SOX5: variants seen among roughly 807,000 people sequenced by gnomAD.
SOX5 encodes transcription factor SOX-5.
Under a neutral mutation model 92.0 loss-of-function variants are expected in SOX5, and 9 were observed. The ratio of observed to expected loss-of-function variants is 0.10; its 90% CI spans 0.06 to 0.17. SOX5 has a LOEUF of 0.17. Among genes scored for constraint, SOX5 ranks in the 10% least tolerant of loss-of-function variants. The probability of loss-of-function intolerance (pLI) is 1.00; values close to 1 mark genes in which losing one functional copy is unlikely to be tolerated. For synonymous variants in SOX5, 344 were observed against 336.3 expected, an observed-to-expected ratio of 1.02 and a Z score of -0.25; for missense variants, 642 against 944.5, an observed-to-expected ratio of 0.68 and a Z score of 4.20.
chr12:23,722,763 C>T (rs544177644), intron 6 of SOX5, among the ~76,000 whole-genome samples: 9 of 152,264 alleles, frequency 5.9e-5, no homozygotes, highest in East Asian at 1.9e-4. Flanking sequence ...AGCATCTAAA[C>T]GGCTCTGGTC....
intron 11 of SOX5, among the ~76,000 whole-genome samples, chr12:23,553,814 T>C (rs569989963): frequency 6.6e-6 from 1 of 152,252 alleles, no homozygotes; most frequent in Admixed American, 6.5e-5. Context: ...AATTATTCTA[T>C]AAACAATGGG....
intron 4 of SOX5, among the ~76,000 whole-genome samples, chr12:24,014,700 A>C (rs1329251144): frequency 6.6e-6 from 1 of 152,208 alleles, no homozygotes; most frequent in Non-Finnish European, 1.5e-5. Flanking sequence ...TGGAAAAAAG[A>C]GTAGAAAAGT....
chr12:23,676,882 A>G (rs540114725), intron 6 of SOX5, among the ~76,000 whole-genome samples: 1 of 152,316 alleles, frequency 6.6e-6, no homozygotes, highest in South Asian at 2.1e-4. Flanking sequence ...GTCTGTCTCC[A>G]TGGCTAAGCT....
chr12:23,532,484 T>C lies in SOX5; in HGVS notation c.*1735A>G, dbSNP rs983866681. 2 of 152,238 alleles carry C rather than the reference T, an allele frequency of 1.3e-5. No individual in the cohort carries two copies. The highest frequency in any genetic ancestry group is 2.9e-5 in the Non-Finnish European group (2 of 68,052). The allele number at this position is 152,238 out of a possible 1,614,324, so 9.4% of individuals were successfully genotyped here. A position where few individuals can be genotyped will look rare whatever the true frequency, so the allele number is the denominator to read the frequency against. On this transcript the variant is annotated 3_prime_UTR_variant, in exon 15 of 15. Coordinates refer to ENST00000451604, the MANE Select transcript of SOX5 (RefSeq NM_006940.6). ...TTGACTTGAAATGATTTTGCATTTA[T>C]TTGTACAGGCCCTACAACTGCCTTG... is the stretch of plus-strand genomic sequence containing the variant.
chr12:24,417,746 T>A (rs946250785), intron 1 of SOX5, among the ~76,000 whole-genome samples: 2 of 152,284 alleles, frequency 1.3e-5, no homozygotes, highest in African/African-American at 4.8e-5. Context: ...GAGAAAAGGA[T>A]AGACAATACT....
chr12:24,304,828 T>C (rs1948391370), intron 2 of SOX5, among the ~76,000 whole-genome samples: 1 of 152,174 alleles, frequency 6.6e-6, no homozygotes, highest in South Asian at 2.1e-4. Context: ...CTGGACAGTC[T>C]AGACCCTCCC....
intron 3 of SOX5, among the ~76,000 whole-genome samples, chr12:24,265,360 G>A (rs1211219787): frequency 1.3e-5 from 2 of 152,062 alleles, no homozygotes; most frequent in East Asian, 1.9e-4. Context: ...TAGGCAACAT[G>A]GCAACACTCC....
chr12:24,372,001 G>A lies in SOX5; in HGVS notation c.-250-3362C>T, dbSNP rs1467681083. Among the ~76,000 whole-genome samples the A allele has an allele frequency of 3.4e-5, 5 of 145,318 alleles. No homozygotes were observed. In the South Asian group the frequency reaches 6.3e-4, roughly 18 times the overall value. The stretch of plus-strand genomic sequence containing the variant: ...AGACTCTGCCTTTAAAAAAAAAAAA[G>A]AGAGAGAGAGAGAGATCATTTGGAA... On this transcript the variant is annotated intron_variant, in intron 1 of 4. Transcript: ENST00000446891.
At chr12:23,577,847 T>G (rs1320667629) in intron 9 of SOX5, among the ~76,000 whole-genome samples, 3 of 151,186 alleles carry the variant, frequency 2.0e-5, no homozygotes, top group Non-Finnish European at 4.4e-5. Context: ...AATGGCTGGG[T>G]GCAGTGGCTC....
intron 3 of SOX5, among the ~76,000 whole-genome samples, chr12:23,845,074 G>C (rs900944044): frequency 1.3e-5 from 2 of 152,172 alleles, no homozygotes; most frequent in African/African-American, 4.8e-5. Context: ...AGAATTTTGT[G>C]TCAGATATCC....
At chr12:23,907,203 C>T (rs962995017) in intron 1 of SOX5, among the ~76,000 whole-genome samples, 7 of 151,318 alleles carry the variant, frequency 4.6e-5, no homozygotes, top group Admixed American at 2.6e-4. Context: ...TGCACACGTG[C>T]GTGCAGAGAG....
At chr12:24,366,342 CA>C (rs1199016951) in intron 2 of SOX5, among the ~76,000 whole-genome samples, 1 of 152,054 alleles carries the variant, frequency 6.6e-6, no homozygotes, top group Non-Finnish European at 1.5e-5. Flanking sequence ...AAGAGAGGGG[CA>C]CAGGATTATT....
At chr12:24,186,125 A>T (rs71450423) in intron 4 of SOX5, among the ~76,000 whole-genome samples, 17,231 of 152,146 alleles carry the variant, frequency 0.11, 1,513 homozygotes, top group East Asian at 0.47. Flanking sequence ...AAGAATAAGT[A>T]GGATATTACC....
chr12:24,389,864 T>C (rs1419096279), intron 1 of SOX5, among the ~76,000 whole-genome samples: 1 of 152,216 alleles, frequency 6.6e-6, no homozygotes, highest in African/African-American at 2.4e-5. Flanking sequence ...TTCTAATTTC[T>C]CCATATCATC....
intron 2 of SOX5, among the ~76,000 whole-genome samples, chr12:24,361,611 T>G (rs1023726715): frequency 1.3e-5 from 2 of 150,286 alleles, no homozygotes; most frequent in Non-Finnish European, 3.0e-5. Context: ...TTTTCAGGTT[T>G]TGTGTGTGTG....
At chr12:23,589,362 A>T (rs1014094534) in intron 9 of SOX5, among the ~76,000 whole-genome samples, 8 of 151,968 alleles carry the variant, frequency 5.3e-5, no homozygotes, top group African/African-American at 1.9e-4. Context: ...TCAGCAGCTT[A>T]TGTAAGGGAG....
At chr12:24,200,503 T>A (rs6487376) in intron 4 of SOX5, among the ~76,000 whole-genome samples, 1 of 151,468 alleles carries the variant, frequency 6.6e-6, no homozygotes, top group Non-Finnish European at 1.5e-5. Flanking sequence ...TTTTTTTTTT[T>A]AATTTGATCT....
intron 2 of SOX5, among the ~76,000 whole-genome samples, chr12:24,343,612 T>A (rs959061937): frequency 6.6e-6 from 1 of 152,114 alleles, no homozygotes; most frequent in Non-Finnish European, 1.5e-5. Flanking sequence ...GCACTCAGCT[T>A]CAAAATTTGG....
At chr12:24,161,138 C>T (rs573698021) in intron 4 of SOX5, among the ~76,000 whole-genome samples, 1 of 152,240 alleles carries the variant, frequency 6.6e-6, no homozygotes, top group African/African-American at 2.4e-5. Flanking sequence ...AGTTTTAGTC[C>T]TGCCTGAAAG....
Sources: allele counts gnomAD v4.1 joint callset (sites outside exome capture counted in the v4.1 genomes callset), GRCh38; gene constraint gnomAD v4.1.1; transcripts MANE v1.5; gene names NCBI Gene and HGNC (gene_info 2026-07-23, HGNC 2026-07-21).